MUSK: variants seen among roughly 807,000 people sequenced by gnomAD.
The protein encoded by MUSK is muscle, skeletal receptor tyrosine-protein kinase.
MUSK carries 55 observed loss-of-function variants against 88.7 expected under a neutral mutation model. The ratio of observed to expected loss-of-function variants is 0.62; its 90% CI spans 0.50 to 0.78. The LOEUF is 0.78. Ranked by LOEUF, MUSK falls within the 30% of genes least tolerant of loss-of-function variation. The pLI, the probability that MUSK is intolerant of heterozygous loss-of-function variation, is 0.00. For missense variants in MUSK, 1,015 were observed against 1,074.3 expected (o/e 0.94, Z 0.77); for synonymous variants, 387 against 391.9 (o/e 0.99, Z 0.15).
intron 5 of MUSK, among the ~76,000 whole-genome samples, chr9:110,705,221 T>C (rs1296223634): frequency 6.6e-6 from 1 of 152,198 alleles, no homozygotes; most frequent in Non-Finnish European, 1.5e-5. Context: ...GTTGCTCCAT[T>C]GATCTCCAAG....
chr9:110,771,608 T>G (rs1239870693), intron 9 of MUSK, among the ~76,000 whole-genome samples: 2 of 152,194 alleles, frequency 1.3e-5, no homozygotes, highest in African/African-American at 2.4e-5. Flanking sequence ...CAGCTTTTAT[T>G]TGTGTGGTTG....
At chr9:110,689,995 A>AAATAT (rs2076297894) in intron 3 of MUSK, among the ~76,000 whole-genome samples, 1 of 11,720 alleles carries the variant, frequency 8.5e-5, no homozygotes, top group Non-Finnish European at 1.7e-4. Context: ...TTATAATTAT[A>AAATAT]TATTATATAT....
In MUSK at chr9:110,709,866, TA is replaced by T. The variant is rs759800661; in HGVS notation, c.628+12401del. Among the ~76,000 whole-genome samples the T allele has an allele frequency of 4.6e-5, 7 of 152,188 alleles. No individual in the cohort carries two copies. The East Asian group carries it at 9.6e-4, about 21-fold the overall frequency. On this transcript the variant is annotated intron_variant, in intron 5 of 14. Coordinates refer to ENST00000374448, the MANE Select transcript of MUSK (RefSeq NM_005592.4). ...GTTTGTAGATAAAGAAATTTGAGAC[TA>T]GGGGCAGTGGCTCACGCCTGTAATC...
At position 110,801,799 on chromosome 9, in the gene MUSK, T is replaced by C. The variant is rs1351925355; in HGVS notation, c.*811T>C. On this transcript the variant is annotated 3_prime_UTR_variant, in exon 15 of 15. Coordinates refer to ENST00000374448, the MANE Select transcript of MUSK (RefSeq NM_005592.4). ...CTTTTCCATTGCTTTAATCTTTATT[T>C]CTTCTTCTTTCCAGGACTTCTGTCC... Among the ~76,000 whole-genome samples, 1 of 152,236 alleles carries C rather than the reference T, an allele frequency of 6.6e-6. No homozygotes were observed. The highest frequency in any genetic ancestry group is 1.5e-5 in the Non-Finnish European group (1 of 68,052).
intron 5 of MUSK, among the ~76,000 whole-genome samples, chr9:110,714,238 A>G (rs921959190): frequency 2.0e-5 from 3 of 152,240 alleles, no homozygotes; most frequent in Admixed American, 2.0e-4. Flanking sequence ...AGACTGAAAC[A>G]AAAACAAGTA....
In MUSK at chr9:110,732,209, G is replaced by A. The variant is rs181668546; in HGVS notation, c.629-2042G>A. On this transcript the variant is annotated intron_variant, in intron 5 of 14. Transcript: ENST00000374448. ...AAGATCCTGCTTGTTTCAGATTCTCGGGCAGTGGGATCCATAGATGGTCAT... is the reference window on the plus strand; with the variant it reads ...AAGATCCTGCTTGTTTCAGATTCTCAGGCAGTGGGATCCATAGATGGTCAT... Among the ~76,000 whole-genome samples the A allele has an allele frequency of 7.9e-5, 12 of 151,974 alleles. No individual in the cohort carries two copies. In the East Asian group the frequency reaches 1.6e-3, roughly 20 times the overall value.
intron 9 of MUSK, 120 bp from the exon 10 acceptor site, chr9:110,775,668 G>T: frequency 1.1e-6 from 1 of 900,916 alleles, no homozygotes; most frequent in Non-Finnish European, 1.8e-6. Context: ...TCATAAACGC[G>T]CTTTTTTCAA....
intron 3 of MUSK, among the ~76,000 whole-genome samples, chr9:110,688,780 C>T (rs1011882741): frequency 2.0e-5 from 3 of 151,828 alleles, no homozygotes; most frequent in Non-Finnish European, 4.4e-5. Context: ...CATGTCCCTG[C>T]AAAGGACATG....
chr9:110,707,837 G>A (rs1181245809), intron 5 of MUSK, among the ~76,000 whole-genome samples: 6 of 152,112 alleles, frequency 3.9e-5, no homozygotes, highest in Admixed American at 3.9e-4. Context: ...TTGTCAAAAC[G>A]TGGAGAGGCA....
chr9:110,790,451 C>A lies in MUSK; in HGVS notation c.1927+2613C>A, dbSNP rs193295345. 2.0e-5 allele frequency among the ~76,000 whole-genome samples: 3 copies of A among 152,202 alleles called. No homozygotes were observed. In the South Asian group the frequency reaches 6.2e-4, roughly 32 times the overall value. ...ATTTGTAAATTAATGAGAATGATCC[C>A]GTAAAGAGAAAAATTGATGACAGGG... is the stretch of plus-strand genomic sequence containing the variant. On this transcript the variant is annotated intron_variant, in intron 14 of 14. Transcript: ENST00000374448.
Position 110,768,085 on chromosome 9 carries a change from T to C in MUSK, c.1184+2T>C, listed in dbSNP as rs532285449. On this transcript the variant is annotated splice_donor_variant, in intron 9 of 14. Coordinates refer to ENST00000374448, the MANE Select transcript of MUSK (RefSeq NM_005592.4). LOFTEE classifies it high-confidence loss of function. ...GCCTACTCCTATTCCCATTTGCAGG[T>C]AAAATCTCAAAAATAAGTCAAAGGA... 2.5e-6 allele frequency: 4 copies of C among 1,584,036 alleles called. No individual in the cohort carries two copies. In the Admixed American group the frequency reaches 7.3e-5, roughly 29 times the overall value.
chr9:110,748,310 T>C (rs936623954), intron 7 of MUSK, among the ~76,000 whole-genome samples: 4 of 151,994 alleles, frequency 2.6e-5, no homozygotes, highest in African/African-American at 9.7e-5. Context: ...ATGGAGAAAG[T>C]TGGCAGACAT....
intron 14 of MUSK, among the ~76,000 whole-genome samples, chr9:110,797,688 T>C (rs897914992): frequency 6.6e-6 from 1 of 152,192 alleles, no homozygotes; most frequent in Admixed American, 6.5e-5. Context: ...TTCCATTTCC[T>C]CAACTCCTAA....
At chr9:110,734,540 T>C (rs2077004623) in intron 6 of MUSK, among the ~76,000 whole-genome samples, 165 bp downstream of exon 6, 1 of 152,102 alleles carries the variant, frequency 6.6e-6, no homozygotes, top group Admixed American at 6.6e-5. Flanking sequence ...GCCATAGAAA[T>C]CAAACTCCAA....
chr9:110,760,872 TAAG>T (rs1209278522), intron 7 of MUSK, among the ~76,000 whole-genome samples: 4 of 152,110 alleles, frequency 2.6e-5, no homozygotes, highest in Admixed American at 2.6e-4. Flanking sequence ...CATTGTATTT[TAAG>T]AAGATTGACC....
At chr9:110,779,473 T>C (rs1465802867) in intron 11 of MUSK, among the ~76,000 whole-genome samples, 1 of 152,178 alleles carries the variant, frequency 6.6e-6, no homozygotes, top group Non-Finnish European at 1.5e-5. Context: ...CTTCTTCACA[T>C]TAAATATCTC....
intron 6 of MUSK, among the ~76,000 whole-genome samples, chr9:110,744,249 G>A (rs1290798803): frequency 6.6e-6 from 1 of 152,216 alleles, no homozygotes; most frequent in Non-Finnish European, 1.5e-5. Context: ...TTACAGGCAT[G>A]AGCCACTGCA....
intron 7 of MUSK, among the ~76,000 whole-genome samples, chr9:110,754,414 T>C (rs2077285939): frequency 6.6e-6 from 1 of 152,348 alleles, no homozygotes; most frequent in African/African-American, 2.4e-5. Context: ...TTTTTTAAAA[T>C]TGAATTCTGA....
rs1029554234 is a variant in MUSK, at chr9:110,805,551, A to C, written c.*4563A>C. The stretch of plus-strand genomic sequence containing the variant: ...CTTTGTAAGAGCACTTTATATATTA[A>C]GGAGTTAAATTTTGTGATATATGTT... On this transcript the variant is annotated 3_prime_UTR_variant, in exon 15 of 15. Transcript: ENST00000374448. Among the ~76,000 whole-genome samples the C allele has an allele frequency of 6.6e-6, 1 of 151,952 alleles. No homozygotes were observed. Among genetic ancestry groups the C allele is most frequent in the African/African-American group, 2.4e-5 (1 of 41,440 alleles).
Sources: allele counts gnomAD v4.1 joint callset (sites outside exome capture counted in the v4.1 genomes callset), GRCh38; gene constraint gnomAD v4.1.1; transcripts MANE v1.5; gene names NCBI Gene and HGNC (gene_info 2026-07-23, HGNC 2026-07-21).